The following RIN3 variants were observed in gnomAD, a reference collection of about 807,000 sequenced individuals.
RIN3 encodes the protein RAB5 interacting protein 3.
In RIN3, 54 loss-of-function variants were observed where a neutral mutation model predicts 76.3. The observed-to-expected ratio is 0.71, with a 90% CI of 0.57 to 0.89. The LOEUF (loss-of-function observed/expected upper bound fraction) is 0.89, where lower values mean the gene tolerates loss of function less well. Among genes scored for constraint, RIN3 ranks in the 40% least tolerant of loss-of-function variants. The probability of loss-of-function intolerance (pLI) is 0.00; values close to 1 mark genes in which losing one functional copy is unlikely to be tolerated. For missense variants in RIN3, 1,256 were observed against 1,322.1 expected, an observed-to-expected ratio of 0.95 and a Z score of 0.78; for synonymous variants, 576 against 564.0, an observed-to-expected ratio of 1.02 and a Z score of -0.30.
chr14:92,559,237 A>G (rs192603988), intron 2 of RIN3, among the ~76,000 whole-genome samples: 126 of 152,262 alleles, frequency 8.3e-4, no homozygotes, highest in African/African-American at 2.8e-3. Context: ...AGATGCAGAG[A>G]TGGCTAGTGG....
intron 3 of RIN3, among the ~76,000 whole-genome samples, chr14:92,583,555 A>C (rs958177239): frequency 6.6e-6 from 1 of 152,254 alleles, no homozygotes; most frequent in African/African-American, 2.4e-5. Context: ...AAAAATATTC[A>C]AAGAAAAAAA....
intron 1 of RIN3, among the ~76,000 whole-genome samples, chr14:92,550,394 T>A (rs1897391165): frequency 1.3e-5 from 2 of 152,208 alleles, no homozygotes; most frequent in South Asian, 4.1e-4. Flanking sequence ...TACTTATTTT[T>A]ATTTTTGTTT....
At chr14:92,559,106 A>T (rs1424406084) in intron 2 of RIN3, among the ~76,000 whole-genome samples, 3 of 151,838 alleles carry the variant, frequency 2.0e-5, no homozygotes, top group Non-Finnish European at 4.4e-5. Flanking sequence ...ACCTCAGGTG[A>T]TCCTCCCACC....
At chr14:92,561,068 A>G (rs1434751333) in intron 2 of RIN3, among the ~76,000 whole-genome samples, 2 of 101,110 alleles carry the variant, frequency 2.0e-5, no homozygotes, top group African/African-American at 7.1e-5. Flanking sequence ...TGCCATATAT[A>G]TGCCATAAAT....
At chr14:92,602,460 A>G (rs1885381861) in intron 3 of RIN3, among the ~76,000 whole-genome samples, 1 of 152,212 alleles carries the variant, frequency 6.6e-6, no homozygotes, top group African/African-American at 2.4e-5. Flanking sequence ...GGCACCTGCT[A>G]TACTGGCTGG....
rs1225740132 is a variant in RIN3, at chr14:92,687,975, T to G, written c.2681T>G (p.Leu894Arg). The G allele has an allele frequency of 1.3e-6, 2 of 1,559,928 alleles. No individual in the cohort carries two copies. Among genetic ancestry groups the G allele is most frequent in the Non-Finnish European group, 1.7e-6 (2 of 1,153,276 alleles). Residue 894 changes from leucine to arginine, a missense_variant, in exon 10 of 10, where the codon CTG (leucine) becomes CGG (arginine). Physicochemically the swap from Leu to Arg is moderately radical, Grantham distance 102. This residue lies in a region of RIN3 where 218 missense variants were observed against 174.5 expected (regional missense o/e 1.25). Coordinates refer to ENST00000216487, the MANE Select transcript of RIN3 (RefSeq NM_024832.5). ...GAGCCCGAGCAGCAGGCGCGGACGC[T>G]GGCGTCGCGGGCGGACACCCAGGCC... ...YLEPEQQARTLASRADTQAQA... is the reference protein window; with the variant it reads ...YLEPEQQARTRASRADTQAQA...
chr14:92,654,450 G>A (rs566230932), intron 6 of RIN3, among the ~76,000 whole-genome samples: 24 of 152,306 alleles, frequency 1.6e-4, no homozygotes, highest in Middle Eastern at 3.4e-3. Context: ...GTCCCCTGGC[G>A]TCCCTAAGCC....
chr14:92,514,414 G>T lies in RIN3; in HGVS notation c.44+438G>T, dbSNP rs1023548456. On this transcript the variant is annotated intron_variant, in intron 1 of 9. Transcript: ENST00000216487. The surrounding 1 kb of genome is among the most constrained non-coding windows in gnomAD (Gnocchi z 7.2). ...CTGCGAGTCGCAGCGCGCGCCCTCGGGTACTAGAGCCCCGCTGGGCGTGGG... is the reference window on the plus strand; with the variant it reads ...CTGCGAGTCGCAGCGCGCGCCCTCGTGTACTAGAGCCCCGCTGGGCGTGGG... Among the ~76,000 whole-genome samples, 3 of 152,202 alleles carry T rather than the reference G, an allele frequency of 2.0e-5. No homozygotes were observed. Among genetic ancestry groups the T allele is most frequent in the Non-Finnish European group, 4.4e-5 (3 of 68,036 alleles).
At chr14:92,661,751 ACAC>A (rs1887892068) in intron 7 of RIN3, among the ~76,000 whole-genome samples, 2 of 141,936 alleles carry the variant, frequency 1.4e-5, no homozygotes, top group Admixed American at 7.1e-5. Flanking sequence ...ACACACACAC[ACAC>A]ACACAAAAAA....
chr14:92,520,993 G>A (rs8018621), intron 1 of RIN3, among the ~76,000 whole-genome samples: 9,858 of 152,048 alleles, frequency 0.065, 1,082 homozygotes, highest in African/African-American at 0.23. Flanking sequence ...CATTTTTGAC[G>A]GAGCATCCAT....
chr14:92,579,317 G>C (rs535544900), intron 3 of RIN3, among the ~76,000 whole-genome samples: 8 of 152,374 alleles, frequency 5.3e-5, no homozygotes, highest in African/African-American at 1.7e-4. Context: ...GTTTCAGGGA[G>C]AGGCTGTTAC....
At chr14:92,571,886 C>A (rs1169233698) in intron 2 of RIN3, among the ~76,000 whole-genome samples, 2 of 152,196 alleles carry the variant, frequency 1.3e-5, no homozygotes, top group Non-Finnish European at 2.9e-5. Flanking sequence ...CACCTCTCCT[C>A]CTATTCGCAG....
chr14:92,537,731 GC>G (rs1216752417), intron 1 of RIN3, among the ~76,000 whole-genome samples: 1 of 139,402 alleles, frequency 7.2e-6, no homozygotes. Context: ...TGCAGCCTCT[GC>G]CCCCCCGCCA....
chr14:92,526,504 T>C (rs148056631), intron 1 of RIN3, among the ~76,000 whole-genome samples: 10,085 of 149,754 alleles, frequency 0.067, 1,133 homozygotes, highest in African/African-American at 0.24. Context: ...CCTATAATTC[T>C]AGCACTTTGG....
intron 3 of RIN3, among the ~76,000 whole-genome samples, chr14:92,595,934 G>A (rs1446717628): frequency 1.3e-5 from 2 of 152,202 alleles, no homozygotes; most frequent in Admixed American, 6.5e-5. Flanking sequence ...ATTTAAGGAA[G>A]CAGTCAGACA....
rs1888957936 is a variant in RIN3 at position 92,688,288 on chromosome 14, C to G, written c.*36C>G. 13 of 1,485,766 alleles carry G rather than the reference C, an allele frequency of 8.7e-6. No individual in the cohort carries two copies. Among genetic ancestry groups the G allele is most frequent in the Non-Finnish European group, 1.2e-5 (13 of 1,115,614 alleles). The allele number at this position is 1,485,766 out of a possible 1,614,324, so 92.0% of individuals were successfully genotyped here. The stretch of plus-strand genomic sequence containing the variant: ...GGGCGCCTCCCCTCACCCCCAGGCG[C>G]ACGTCTGGCCCCGCCTCTGGCTGCG... On this transcript the variant is annotated 3_prime_UTR_variant, in exon 10 of 10. Transcript: ENST00000216487.
intron 7 of RIN3, among the ~76,000 whole-genome samples, chr14:92,661,723 T>TCACACA (rs778646491): frequency 0.051 from 6,921 of 134,894 alleles, 251 homozygotes; most frequent in Admixed American, 0.071. Context: ...TGAGACTCTG[T>TCACACA]CACACACACA....
At chr14:92,565,750 TGGTTTTGGTG>T (rs1354728739) in intron 2 of RIN3, among the ~76,000 whole-genome samples, 1 of 152,184 alleles carries the variant, frequency 6.6e-6, no homozygotes, top group Non-Finnish European at 1.5e-5. Context: ...ATTGCCATCT[TGGTTTTGGTG>T]GGTTTGGGCC....
chr14:92,635,951 TTTTTGCTAAAAACAAGTAGTCTA>T (rs1205290315), intron 4 of RIN3, among the ~76,000 whole-genome samples: 5 of 152,164 alleles, frequency 3.3e-5, no homozygotes, highest in African/African-American at 1.2e-4. Flanking sequence ...AGGAAATAAT[TTTTTGCTAAAAACAAGTAGTCTA>T]GGAGTTACAA....
Sources: gnomAD v4.1 joint callset for allele counts (sites outside exome capture counted in the v4.1 genomes callset) on GRCh38, gnomAD v4.1.1 for gene constraint, gnomAD v4.1.1 regional missense constraint, Gnocchi (gnomAD v3.1) non-coding constraint, MANE v1.5 for transcripts, NCBI Gene and HGNC (gene_info 2026-07-23, HGNC 2026-07-21) for gene names.